The following ZNF385D variants were observed in gnomAD, a reference collection of about 807,000 sequenced individuals.
The protein encoded by ZNF385D is zinc finger protein 385D.
In ZNF385D, 15 loss-of-function variants were observed where a neutral mutation model predicts 35.8. That is an observed-to-expected ratio of 0.42 (90% CI 0.28 to 0.64). ZNF385D has a LOEUF of 0.64. ZNF385D is among the 30% of genes least tolerant of loss of function. The pLI is 0.23. For missense variants in ZNF385D, 474 were observed against 494.6 expected (o/e 0.96, Z 0.39); for synonymous variants, 212 against 186.8 (o/e 1.13, Z -1.10).
chr3:21,476,035 A>G (rs1368437261), intron 4 of ZNF385D, among the ~76,000 whole-genome samples: 1 of 152,140 alleles, frequency 6.6e-6, no homozygotes, highest in Non-Finnish European at 1.5e-5. Flanking sequence ...ATTAGGAGAT[A>G]GAGCACAGTT....
At chr3:21,455,568 C>A (rs533973242) in intron 4 of ZNF385D, among the ~76,000 whole-genome samples, 1 of 152,296 alleles carries the variant, frequency 6.6e-6, no homozygotes, top group East Asian at 1.9e-4. Context: ...TTCCTTACAC[C>A]TTTTACAAAA....
intron 3 of ZNF385D, among the ~76,000 whole-genome samples, chr3:21,767,816 G>T (rs1233548581): frequency 1.3e-5 from 2 of 151,960 alleles, no homozygotes; most frequent in African/African-American, 2.4e-5. Flanking sequence ...CTTTTGGAAC[G>T]CTTTAGTAAT....
rs79129527 is a variant in ZNF385D, at chr3:22,032,594, G to A, written c.325+136223C>T. On this transcript the variant is annotated intron_variant, in intron 3 of 5. Coordinates refer to the ZNF385D transcript ENST00000494108. ...TATATATGGTCCTAAGCAGTGTATAGAACTAGTAACAGAGGTGACTTTCTT... is the reference window on the plus strand; with the variant it reads ...TATATATGGTCCTAAGCAGTGTATAAAACTAGTAACAGAGGTGACTTTCTT... Among the ~76,000 whole-genome samples, 608 of 152,266 alleles carry A rather than the reference G, an allele frequency of 4.0e-3. 13 individuals are homozygous for A. Among genetic ancestry groups the A allele is most frequent in the East Asian group, 0.038 (194 of 5,168 alleles).
chr3:21,636,382 A>T (rs1400035781), intron 2 of ZNF385D, among the ~76,000 whole-genome samples: 1 of 25,152 alleles, frequency 4.0e-5, no homozygotes, highest in Non-Finnish European at 8.2e-5. Context: ...ATATGATTAT[A>T]TATATATATA....
At chr3:22,331,308 CAAG>C (rs1374836705) in intron 2 of ZNF385D, among the ~76,000 whole-genome samples, 12 of 152,054 alleles carry the variant, frequency 7.9e-5, no homozygotes, top group African/African-American at 2.9e-4. Flanking sequence ...ATTTAGAATA[CAAG>C]AAGTATCTAT....
At chr3:21,661,587 G>A (rs937234716) in intron 2 of ZNF385D, among the ~76,000 whole-genome samples, 1 of 152,114 alleles carries the variant, frequency 6.6e-6, no homozygotes, top group Middle Eastern at 3.2e-3. Flanking sequence ...ATATTTTTAA[G>A]CACTGAAACT....
At position 21,707,678 on chromosome 3, in the gene ZNF385D, T is replaced by C. The variant is rs558722229; in HGVS notation, c.23-42650A>G. ...GAGATGGCAGCATTTGGAAAGGGCATGGTCAATTCGAATATAGATATAAAT... is the reference window on the plus strand; with the variant it reads ...GAGATGGCAGCATTTGGAAAGGGCACGGTCAATTCGAATATAGATATAAAT... On this transcript the variant is annotated intron_variant, in intron 1 of 7. Coordinates refer to ENST00000281523, the MANE Select transcript of ZNF385D (RefSeq NM_024697.3). Among the ~76,000 whole-genome samples, 5 of 152,304 alleles carry C rather than the reference T, an allele frequency of 3.3e-5. No homozygotes were observed. The East Asian group carries it at 9.7e-4, about 29-fold the overall frequency.
At chr3:21,425,819 G>GT (rs1372125771) in intron 5 of ZNF385D, 149 bp from the exon 6 acceptor site, 5 of 604,688 alleles carry the variant, frequency 8.3e-6, no homozygotes, top group Non-Finnish European at 1.3e-5. Flanking sequence ...TTTTAGTGCA[G>GT]TTTTTCCTGG....
intron 3 of ZNF385D, among the ~76,000 whole-genome samples, chr3:21,857,251 T>C (rs971887915): frequency 2.0e-5 from 3 of 152,062 alleles, no homozygotes; most frequent in Non-Finnish European, 4.4e-5. Flanking sequence ...TTATTGATGG[T>C]TTCTGTGATA....
chr3:21,808,995 G>A (rs533664987), intron 3 of ZNF385D, among the ~76,000 whole-genome samples: 1 of 152,124 alleles, frequency 6.6e-6, no homozygotes, highest in South Asian at 2.1e-4. Flanking sequence ...TGGGTTGCCC[G>A]CATGCTATAA....
intron 3 of ZNF385D, among the ~76,000 whole-genome samples, chr3:22,031,013 G>A (rs564280457): frequency 6.6e-6 from 1 of 152,170 alleles, no homozygotes; most frequent in Admixed American, 6.5e-5. Context: ...AGATTTCAAA[G>A]TCTCCTTTGA....
intron 4 of ZNF385D, among the ~76,000 whole-genome samples, chr3:21,462,709 C>T (rs13340120): frequency 0.021 from 3,165 of 152,270 alleles, 114 homozygotes; most frequent in African/African-American, 0.071. Flanking sequence ...TGGCCAGGCA[C>T]GGTGGCTTAC....
chr3:21,994,005 T>A (rs1401375570), intron 3 of ZNF385D, among the ~76,000 whole-genome samples: 1 of 152,216 alleles, frequency 6.6e-6, no homozygotes, highest in African/African-American at 2.4e-5. Flanking sequence ...AATCTGGAGT[T>A]GGTTTCTCCT....
At chr3:22,315,576 G>A (rs955822383) in intron 2 of ZNF385D, among the ~76,000 whole-genome samples, 3 of 152,170 alleles carry the variant, frequency 2.0e-5, no homozygotes, top group South Asian at 2.1e-4. Context: ...ATTCAAAACG[G>A]AAGGAGTTAT....
intron 2 of ZNF385D, among the ~76,000 whole-genome samples, chr3:22,366,200 C>T (rs1250621067): frequency 2.0e-5 from 3 of 152,012 alleles, no homozygotes; most frequent in African/African-American, 7.2e-5. Context: ...ATCATACTTC[C>T]TTGCCCCTAA....
chr3:21,976,874 G>C (rs559877024), intron 3 of ZNF385D, among the ~76,000 whole-genome samples: 1 of 152,186 alleles, frequency 6.6e-6, no homozygotes, highest in Non-Finnish European at 1.5e-5. Context: ...TGTAATCCCA[G>C]CTACTTGGGA....
chr3:22,045,551 G>A (rs1259028840), intron 3 of ZNF385D, among the ~76,000 whole-genome samples: 1 of 152,032 alleles, frequency 6.6e-6, no homozygotes, highest in African/African-American at 2.4e-5. Context: ...TAGAAATTCA[G>A]GTGTGAGTTC....
At chr3:21,772,291 A>G (rs770762205) in intron 3 of ZNF385D, among the ~76,000 whole-genome samples, 2 of 151,950 alleles carry the variant, frequency 1.3e-5, no homozygotes, top group Non-Finnish European at 2.9e-5. Context: ...TAGAAAGGCA[A>G]TTCACAGAAT....
chr3:21,793,559 T>C (rs2072018203), intron 3 of ZNF385D, among the ~76,000 whole-genome samples: 2 of 152,212 alleles, frequency 1.3e-5, no homozygotes, highest in Non-Finnish European at 1.5e-5. Flanking sequence ...TAGAAAGTTC[T>C]CTCTGCAAAG....
Sources: allele counts gnomAD v4.1 joint callset (sites outside exome capture counted in the v4.1 genomes callset), GRCh38; gene constraint gnomAD v4.1.1; transcripts MANE v1.5; gene names NCBI Gene and HGNC (gene_info 2026-07-23, HGNC 2026-07-21).